CMTM3: variants seen among roughly 807,000 people sequenced by gnomAD.
CMTM3 encodes the protein CKLF like MARVEL transmembrane domain containing 3.
A neutral mutation model predicts 18.2 loss-of-function variants in CMTM3; 7 were observed. That is an observed-to-expected ratio of 0.38 (90% CI 0.22 to 0.72). The LOEUF is 0.72. Among genes scored for constraint, CMTM3 ranks in the 30% least tolerant of loss-of-function variants. The probability of loss-of-function intolerance (pLI) is 0.46; values close to 1 mark genes in which losing one functional copy is unlikely to be tolerated. For missense variants in CMTM3, 227 were observed against 249.2 expected, an observed-to-expected ratio of 0.91 and a Z score of 0.60; for synonymous variants, 109 against 111.2, an observed-to-expected ratio of 0.98 and a Z score of 0.12.
rs1199783625 is a variant in CMTM3 at position 66,612,181 on chromosome 16, G to A, written c.521-428G>A. 6.6e-6 allele frequency among the ~76,000 whole-genome samples: 1 copy of A among 152,194 alleles called. No individual in the cohort carries two copies. The highest frequency in any genetic ancestry group is 1.9e-4 in the East Asian group (1 of 5,174). On this transcript the variant is annotated intron_variant, in intron 4 of 4. Coordinates refer to ENST00000567572, the MANE Select transcript of CMTM3 (RefSeq NM_181553.4). The surrounding 1 kb of genome is among the most constrained non-coding windows in gnomAD (Gnocchi z 6.0). ...TGTTACCCCAGCACTTTGGGAGGCT[G>A]AGGTGGGTAGATCACCTGAGGTCAG...
At position 66,605,897 on chromosome 16, in the gene CMTM3, C is replaced by T. The variant is rs1180755315; in HGVS notation, c.147+945C>T. 6.6e-6 allele frequency among the ~76,000 whole-genome samples: 1 copy of T among 152,114 alleles called. No individual in the cohort carries two copies. Among genetic ancestry groups the T allele is most frequent in the Non-Finnish European group, 1.5e-5 (1 of 68,024 alleles). Reference sequence around the variant, plus strand: ...CTCCCACGGTCAGCCCAGAGGCCACCTGCCCAACGCCCAAGTGAGACACCA... The same window carrying T: ...CTCCCACGGTCAGCCCAGAGGCCACTTGCCCAACGCCCAAGTGAGACACCA... On this transcript the variant is annotated intron_variant, in intron 1 of 4. Coordinates refer to ENST00000567572, the MANE Select transcript of CMTM3 (RefSeq NM_181553.4). This position sits in a 1 kb window ranked among gnomAD's most constrained non-coding sequence, Gnocchi z 4.6.
intron 1 of CMTM3, among the ~76,000 whole-genome samples, chr16:66,607,020 TG>T (rs1235687337): frequency 1.3e-5 from 2 of 152,262 alleles, no homozygotes; most frequent in Admixed American, 1.3e-4. Context: ...TAACTCTATC[TG>T]GGGGGTCAGC....
chr16:66,609,279 G>T lies in CMTM3; in HGVS notation c.304-156G>T. 1 of 632,222 alleles carries T rather than the reference G, an allele frequency of 1.6e-6. No homozygotes were observed. Among genetic ancestry groups the T allele is most frequent in the Admixed American group, 2.8e-5 (1 of 35,140 alleles). The allele number at this position is 632,222 out of a possible 1,614,324, so 39.2% of individuals were successfully genotyped here. A position where few individuals can be genotyped will look rare whatever the true frequency, so the allele number is the denominator to read the frequency against. On this transcript the variant is annotated intron_variant, in intron 2 of 4. Transcript: ENST00000567572. The surrounding 1 kb of genome is among the most constrained non-coding windows in gnomAD (Gnocchi z 4.4). Reference sequence around the variant, plus strand: ...GCAAGGCAGCAGAGGCACCTCGGGGGTGGGACAAGGGCCTAGGCATGTGGG... The same window carrying T: ...GCAAGGCAGCAGAGGCACCTCGGGGTTGGGACAAGGGCCTAGGCATGTGGG...
Position 66,612,134 on chromosome 16 carries a change from G to A in CMTM3, c.521-475G>A, listed in dbSNP as rs1385738829. On this transcript the variant is annotated intron_variant, in intron 4 of 4. Transcript: ENST00000567572. This position sits in a 1 kb window ranked among gnomAD's most constrained non-coding sequence, Gnocchi z 6.0. ...CCTGGAGGTGCAAGTGGCTTCTGCG[G>A]CCGGGCACGGTGGCTCACGCCTGTT... is the stretch of plus-strand genomic sequence containing the variant. Among the ~76,000 whole-genome samples the A allele has an allele frequency of 6.6e-6, 1 of 152,176 alleles. No individual in the cohort carries two copies. Among genetic ancestry groups the A allele is most frequent in the East Asian group, 1.9e-4 (1 of 5,176 alleles).
At position 66,612,610 on chromosome 16, in the gene CMTM3, A is replaced by G; in HGVS notation, c.522A>G (p.Glu174=). The G allele has an allele frequency of 6.2e-7, 1 of 1,613,976 alleles. No individual in the cohort carries two copies. The highest frequency in any genetic ancestry group is 8.5e-7 in the Non-Finnish European group (1 of 1,179,928). ...GCATCCTCTCTGCTTTCCTTTCAGAAGAGAATTCCGACTCGGACTCTGACT... is the reference window on the plus strand; with the variant it reads ...GCATCCTCTCTGCTTTCCTTTCAGAGGAGAATTCCGACTCGGACTCTGACT... The part of the protein sequence containing the change: ...ADETTAHKTE[E]ENSDSDSD The change falls in exon 5 of 5, where the codon GAA becomes GAG. Residue 174 remains glutamate, a splice_region_variant and synonymous_variant. Transcript: ENST00000567572. The surrounding 1 kb of genome is among the most constrained non-coding windows in gnomAD (Gnocchi z 6.0).
At position 66,610,744 on chromosome 16, in the gene CMTM3, T is replaced by C. The variant is rs1001547184; in HGVS notation, c.520+741T>C. The C allele has an allele frequency of 7.5e-6, 3 of 398,154 alleles. No individual in the cohort carries two copies. Among genetic ancestry groups the C allele is most frequent in the African/African-American group, 4.1e-5 (2 of 48,544 alleles). 24.7% of individuals were successfully genotyped at this position (398,154 alleles called of 1,614,324 possible). ...CTGGCAGTGCCTGTGGCTGGACAGG[T>C]AGACAAGGGCAGCTCTGGAAGGGCC... On this transcript the variant is annotated intron_variant, in intron 4 of 4. Transcript: ENST00000567572. The surrounding 1 kb of genome is among the most constrained non-coding windows in gnomAD (Gnocchi z 4.6).
rs769993909 is a variant in CMTM3 at position 66,609,777 on chromosome 16, C to G, written c.400-106C>G. 6.2e-7 allele frequency: 1 copy of G among 1,607,706 alleles called. No individual in the cohort carries two copies. The highest frequency in any genetic ancestry group is 8.5e-7 in the Non-Finnish European group (1 of 1,176,960). ...CTCACAGGGGTCTGTGCCTGACACT[C>G]GGGCTGTTTGTCCAAGCAGATCTGA... On this transcript the variant is annotated intron_variant, in intron 3 of 4. Transcript: ENST00000567572. The surrounding 1 kb of genome is among the most constrained non-coding windows in gnomAD (Gnocchi z 4.4).
rs1479590708 is a variant in CMTM3 at position 66,605,344 on chromosome 16, G to A, written c.147+392G>A. 4 of 161,774 alleles carry A rather than the reference G, an allele frequency of 2.5e-5. No homozygotes were observed. The highest frequency in any genetic ancestry group is 5.4e-5 in the Non-Finnish European group (4 of 74,532). 10.0% of individuals were successfully genotyped at this position (161,774 alleles called of 1,614,324 possible). A position where few individuals can be genotyped will look rare whatever the true frequency, so the allele number is the denominator to read the frequency against. On this transcript the variant is annotated intron_variant, in intron 1 of 4. Coordinates refer to ENST00000567572, the MANE Select transcript of CMTM3 (RefSeq NM_181553.4). The surrounding 1 kb of genome is among the most constrained non-coding windows in gnomAD (Gnocchi z 4.6). ...GGGTCCGCTTTCCTGCGAGCGGGTA[G>A]TGCGGGCCGGGGCCTCGACCTGCGG... is the stretch of plus-strand genomic sequence containing the variant.
chr16:66,607,718 G>A, intron 1 of CMTM3, among the ~76,000 whole-genome samples: 1 of 152,184 alleles, frequency 6.6e-6, no homozygotes, highest in East Asian at 1.9e-4. Flanking sequence ...GCATGTGCTT[G>A]GAAGGCTGGG....
chr16:66,604,591 C>T, upstream of CMTM3: 2 of 311,968 alleles, frequency 6.4e-6, no homozygotes, highest in East Asian at 5.0e-5. Context: ...GGGGAGGGGG[C>T]GGGTCGGGCC....
intron 1 of CMTM3, among the ~76,000 whole-genome samples, chr16:66,606,975 C>T (rs538547577): frequency 1.9e-4 from 29 of 152,296 alleles, no homozygotes; most frequent in Non-Finnish European, 3.2e-4. Context: ...GCCTGGGAGA[C>T]GGAGCAAGAC....
In CMTM3 at chr16:66,610,141, A is replaced by T; in HGVS notation, c.520+138A>T. 1 of 1,077,788 alleles carries T rather than the reference A, an allele frequency of 9.3e-7. No homozygotes were observed. The highest frequency in any genetic ancestry group is 1.3e-6 in the Non-Finnish European group (1 of 741,182). The allele number at this position is 1,077,788 out of a possible 1,614,324, so 66.8% of individuals were successfully genotyped here. ...GGAAGTGTTTTCACAGCCCATTCTC[A>T]CCTACCCTCATGCAGCACTGATCCA... On this transcript the variant is annotated intron_variant, in intron 4 of 4. Coordinates refer to ENST00000567572, the MANE Select transcript of CMTM3 (RefSeq NM_181553.4). The surrounding 1 kb of genome is among the most constrained non-coding windows in gnomAD (Gnocchi z 4.6).
chr16:66,613,029 A>G lies in CMTM3; in HGVS notation c.*392A>G, dbSNP rs1309199759. 1 of 702,898 alleles carries G rather than the reference A, an allele frequency of 1.4e-6. No individual in the cohort carries two copies. Among genetic ancestry groups the G allele is most frequent in the South Asian group, 1.5e-5 (1 of 67,596 alleles). The allele number at this position is 702,898 out of a possible 1,614,324, so 43.5% of individuals were successfully genotyped here. ...GTCTTCTGTTTCACTAACAGGAACA[A>G]AGACAGAAACCATGACAGGGCTGCC... On this transcript the variant is annotated 3_prime_UTR_variant, in exon 5 of 5. Transcript: ENST00000567572.
intron 1 of CMTM3, among the ~76,000 whole-genome samples, chr16:66,606,187 C>G (rs914954913): frequency 1.1e-4 from 16 of 152,030 alleles, no homozygotes; most frequent in African/African-American, 2.7e-4. Flanking sequence ...TGAGGGCACT[C>G]CTGCCTCCCT....
At position 66,609,710 on chromosome 16, in the gene CMTM3, TTTGTCA is replaced by T; in HGVS notation, c.400-172_400-167del. 1 of 1,551,146 alleles carries T rather than the reference TTTGTCA, an allele frequency of 6.4e-7. No homozygotes were observed. The highest frequency in any genetic ancestry group is 8.7e-7 in the Non-Finnish European group (1 of 1,149,132). ...CTCTACCCGGGGTTTTGAAAGGCTG[TTTGTCA>T]AACCAAGTTCACAGCTCATTTTCCC... is the stretch of plus-strand genomic sequence containing the variant. On this transcript the variant is annotated intron_variant, in intron 3 of 4. Coordinates refer to ENST00000567572, the MANE Select transcript of CMTM3 (RefSeq NM_181553.4). The surrounding 1 kb of genome is among the most constrained non-coding windows in gnomAD (Gnocchi z 4.4).
Position 66,610,142 on chromosome 16 carries a change from C to A in CMTM3, c.520+139C>A. ...GAAGTGTTTTCACAGCCCATTCTCACCTACCCTCATGCAGCACTGATCCAA... is the reference window on the plus strand; with the variant it reads ...GAAGTGTTTTCACAGCCCATTCTCAACTACCCTCATGCAGCACTGATCCAA... On this transcript the variant is annotated intron_variant, in intron 4 of 4. Coordinates refer to ENST00000567572, the MANE Select transcript of CMTM3 (RefSeq NM_181553.4). This position sits in a 1 kb window ranked among gnomAD's most constrained non-coding sequence, Gnocchi z 4.6. 2 of 1,077,542 alleles carry A rather than the reference C, an allele frequency of 1.9e-6. No homozygotes were observed. Among genetic ancestry groups the A allele is most frequent in the Non-Finnish European group, 2.7e-6 (2 of 740,308 alleles). The allele number at this position is 1,077,542 out of a possible 1,614,324, so 66.7% of individuals were successfully genotyped here.
rs2015340309 is a variant in CMTM3 at position 66,610,611 on chromosome 16, G to A, written c.520+608G>A. On this transcript the variant is annotated intron_variant, in intron 4 of 4. Coordinates refer to ENST00000567572, the MANE Select transcript of CMTM3 (RefSeq NM_181553.4). This position sits in a 1 kb window ranked among gnomAD's most constrained non-coding sequence, Gnocchi z 4.6. ...CTGACAGATGGCAGTAGAGGAGTGT[G>A]CAGGCAGAAGAGACCAGGCCGGTGT... Among the ~76,000 whole-genome samples, 2 of 152,202 alleles carry A rather than the reference G, an allele frequency of 1.3e-5. No individual in the cohort carries two copies. Among genetic ancestry groups the A allele is most frequent in the Admixed American group, 1.3e-4 (2 of 15,278 alleles).
At position 66,609,889 on chromosome 16, in the gene CMTM3, G is replaced by C. The variant is rs1393424584; in HGVS notation, c.406G>C (p.Gly136Arg). ...CCATCCACCCTGTCCACAGGTGTTT[G>C]GCTTCTTTGCTACCATCGTGTTTGC... ...DGASKAAGVF[G>R]FFATIVFATD... Residue 136 changes from glycine (G) to arginine (R), a missense_variant, in exon 4 of 5, where the codon GGC (glycine) becomes CGC (arginine). Transcript: ENST00000567572. This position sits in a 1 kb window ranked among gnomAD's most constrained non-coding sequence, Gnocchi z 4.4. 68 of 1,614,042 alleles carry C rather than the reference G, an allele frequency of 4.2e-5. 1 individual carries two copies. In the East Asian group the frequency reaches 1.5e-3, roughly 35 times the overall value.
At chr16:66,611,459 A>G (rs1249178039) in intron 4 of CMTM3, among the ~76,000 whole-genome samples, 1 of 151,778 alleles carries the variant, frequency 6.6e-6, no homozygotes, top group Non-Finnish European at 1.5e-5. Flanking sequence ...GGGGGGAAAA[A>G]ATTGAATATA....
Sources: allele counts gnomAD v4.1 joint callset (sites outside exome capture counted in the v4.1 genomes callset), GRCh38; gene constraint gnomAD v4.1.1; non-coding constraint Gnocchi (gnomAD v3.1); transcripts MANE v1.5; gene names NCBI Gene and HGNC (gene_info 2026-07-23, HGNC 2026-07-21).